Variants in XPO1 observed in about 807,000 individuals in gnomAD.
The protein encoded by XPO1 is exportin 1.
XPO1 carries 5 observed loss-of-function variants against 133.3 expected under a neutral mutation model. The observed-to-expected ratio is 0.04, with a 90% CI of 0.02 to 0.08. XPO1 has a LOEUF of 0.08. Ranked by LOEUF, XPO1 falls within the 10% of genes least tolerant of loss-of-function variation. XPO1 has a pLI of 1.00. For missense variants in XPO1, 506 were observed against 1,267.5 expected, an observed-to-expected ratio of 0.40 and a Z score of 9.12; for synonymous variants, 419 against 408.2, an observed-to-expected ratio of 1.03 and a Z score of -0.32.
intron 19 of XPO1, among the ~76,000 whole-genome samples, chr2:61,486,172 C>T (rs1307180310): frequency 6.6e-6 from 1 of 151,970 alleles, no homozygotes; most frequent in Admixed American, 6.5e-5. Flanking sequence ...CATGGACACA[C>T]TGTCATTCAA....
chr2:61,528,781 A>C (rs1483943335), intron 2 of XPO1, among the ~76,000 whole-genome samples: 1 of 102,008 alleles, frequency 9.8e-6, no homozygotes, highest in Non-Finnish European at 2.0e-5. Context: ...ATATATATAT[A>C]GTTTTTTCAT....
At chr2:61,528,526 G>C (rs976471649) in intron 2 of XPO1, among the ~76,000 whole-genome samples, 2 of 151,118 alleles carry the variant, frequency 1.3e-5, no homozygotes. Flanking sequence ...CCAGCTACTC[G>C]GGAGGCTGAG....
At position 61,478,291 on chromosome 2, in the gene XPO1, A is replaced by G. The variant is rs1009128970; in HGVS notation, c.*529T>C. On this transcript the variant is annotated 3_prime_UTR_variant, in exon 25 of 25. Transcript: ENST00000401558. ...ATGATATGCACATGATCTTGCTGCA[A>G]TCTTGCCAAAGAGACTTTGTAATAC... 2 of 233,776 alleles carry G rather than the reference A, an allele frequency of 8.6e-6. No individual in the cohort carries two copies. Among genetic ancestry groups the G allele is most frequent in the Admixed American group, 1.1e-4 (2 of 17,784 alleles). The allele number at this position is 233,776 out of a possible 1,614,324, so 14.5% of individuals were successfully genotyped here. A position where few individuals can be genotyped will look rare whatever the true frequency, so the allele number is the denominator to read the frequency against.
intron 20 of XPO1, 41 bp downstream of exon 20, chr2:61,485,727 C>A (rs781136152): frequency 8.6e-6 from 13 of 1,514,770 alleles, no homozygotes; most frequent in Non-Finnish European, 1.2e-5. Context: ...TTAAGGCTAT[C>A]CTGCAGAATT....
chr2:61,522,825 A>G (rs1394407153), intron 3 of XPO1, 142 bp from the exon 4 acceptor site: 3 of 647,182 alleles, frequency 4.6e-6, no homozygotes, highest in Non-Finnish European at 8.1e-6. Flanking sequence ...ACACATATTA[A>G]ACAAGTATCT....
rs140244724 is a variant in XPO1 at position 61,503,993 on chromosome 2, G to A, written c.302-1683C>T. Among the ~76,000 whole-genome samples the A allele has an allele frequency of 1.6e-4, 24 of 152,244 alleles. 1 individual carries two copies. The East Asian group carries it at 4.1e-3, about 26-fold the overall frequency. On this transcript the variant is annotated intron_variant, in intron 4 of 24. Transcript: ENST00000401558. ...CCTAGAGGCGGAGGCTGCAGTGAAC[G>A]GAGATCATGCCACTGCACTCCAGCC...
At chr2:61,493,844 C>G (rs368977858) in intron 12 of XPO1, 50 bp downstream of exon 12, 1 of 1,595,100 alleles carries the variant, frequency 6.3e-7, no homozygotes, top group Non-Finnish European at 8.6e-7. Flanking sequence ...ATTCAGACCT[C>G]AAAACCACAG....
At position 61,490,692 on chromosome 2, in the gene XPO1, T is replaced by C. The variant is rs941829793; in HGVS notation, c.1972A>G (p.Met658Val). Residue 658 changes from methionine (M) to valine (V), a missense_variant, in exon 17 of 25, where the codon ATG (methionine) becomes GTG (valine). Physicochemically the swap from Met to Val is conservative, Grantham distance 21. Coordinates refer to ENST00000401558, the MANE Select transcript of XPO1 (RefSeq NM_003400.4). ...TCCCACACTTGATTAGGGAGTAACATGTACTTTTCTATCAAGTGTTCTTGT... is the reference window on the plus strand; with the variant it reads ...TCCCACACTTGATTAGGGAGTAACACGTACTTTTCTATCAAGTGTTCTTGT... ...TVQEHLIEKY[M>V]LLPNQVWDSI... 8 of 1,614,108 alleles carry C rather than the reference T, an allele frequency of 5.0e-6. No individual in the cohort carries two copies. The highest frequency in any genetic ancestry group is 1.3e-5 in the African/African-American group (1 of 74,948).
At chr2:61,488,512 CA>C in intron 18 of XPO1, 75 bp downstream of exon 18, 1 of 1,451,662 alleles carries the variant, frequency 6.9e-7, no homozygotes, top group Non-Finnish European at 9.4e-7. Context: ...TAAAAAACAT[CA>C]AATGTTTGAC....
rs994367152 is a variant in XPO1 at position 61,526,674 on chromosome 2, A to C, written c.127-153T>G. The stretch of plus-strand genomic sequence containing the variant: ...TACTCAAAAATTAGACCTTACAGAA[A>C]TAGAAATAAAATTATATAAATATGA... On this transcript the variant is annotated intron_variant, in intron 2 of 24. Coordinates refer to ENST00000401558, the MANE Select transcript of XPO1 (RefSeq NM_003400.4). Among the ~76,000 whole-genome samples the C allele has an allele frequency of 3.3e-4, 50 of 152,140 alleles. 1 individual carries two copies. The highest frequency in any genetic ancestry group is 1.5e-4 in the Non-Finnish European group (10 of 68,018).
chr2:61,516,141 C>A (rs6704550), intron 4 of XPO1, among the ~76,000 whole-genome samples: 129,690 of 143,866 alleles, frequency 0.9, 58,216 homozygotes, highest in East Asian at 0.99. Flanking sequence ...TAAAAAAAAA[C>A]AAAACAAAAC....
At chr2:61,482,763 G>GC (rs939796260) in intron 22 of XPO1, 194 bp downstream of exon 22, 1 of 755,420 alleles carries the variant, frequency 1.3e-6, no homozygotes, top group African/African-American at 1.8e-5. Flanking sequence ...ATGCCACCAT[G>GC]CCCAGTATTT....
At chr2:61,516,883 T>C (rs988062398) in intron 4 of XPO1, among the ~76,000 whole-genome samples, 3 of 152,162 alleles carry the variant, frequency 2.0e-5, no homozygotes, top group African/African-American at 7.2e-5. Context: ...TTGAATTATC[T>C]AAATGCCATT....
chr2:61,482,028 C>T (rs1213328250), intron 23 of XPO1, among the ~76,000 whole-genome samples: 11 of 22,528 alleles, frequency 4.9e-4, no homozygotes, highest in African/African-American at 9.5e-4. Flanking sequence ...AGCCACCGTG[C>T]GTGGCCTTTT....
chr2:61,485,639 A>G (rs1390088505), intron 20 of XPO1, 129 bp downstream of exon 20: 4 of 857,312 alleles, frequency 4.7e-6, no homozygotes, highest in Non-Finnish European at 6.9e-6. Flanking sequence ...GTATTTCCCT[A>G]ATATACAAGT....
At position 61,488,681 on chromosome 2, in the gene XPO1, G is replaced by A. The variant is rs1431242274; in HGVS notation, c.2113C>T (p.Pro705Ser). 1.9e-6 allele frequency: 3 copies of A among 1,613,950 alleles called. No individual in the cohort carries two copies. ...ATTCTTCCAAGCTGAATTACAAAGG[G>A]GTGTCCAACAGCTTTGCAGGCTCTC... ...NVRACKAVGH[P>S]FVIQLGRIYL... is the part of the protein sequence containing the mutation. The change falls in exon 18 of 25, where the codon CCC becomes TCC. Residue 705 changes from proline to serine, a missense_variant. By Grantham distance (74) the Pro-to-Ser change is moderately conservative. Coordinates refer to ENST00000401558, the MANE Select transcript of XPO1 (RefSeq NM_003400.4).
intron 4 of XPO1, among the ~76,000 whole-genome samples, chr2:61,516,073 C>T (rs1247962193): frequency 6.6e-6 from 1 of 151,198 alleles, no homozygotes; most frequent in Non-Finnish European, 1.5e-5. Flanking sequence ...ATCCAGTGAC[C>T]CAAGATCTCG....
chr2:61,518,939 T>C (rs1195241465), intron 4 of XPO1, among the ~76,000 whole-genome samples: 2 of 152,232 alleles, frequency 1.3e-5, no homozygotes, highest in Admixed American at 1.3e-4. Context: ...TTAAACATCC[T>C]TACTTTCTAA....
Position 61,492,814 on chromosome 2 carries a change from A to G in XPO1, c.1385-66T>C, listed in dbSNP as rs1238240972. 1.9e-6 allele frequency: 3 copies of G among 1,566,882 alleles called. No individual in the cohort carries two copies. The highest frequency in any genetic ancestry group is 2.6e-6 in the Non-Finnish European group (3 of 1,156,146). The stretch of plus-strand genomic sequence containing the variant: ...GAATTTTATTGATGAGTAACAATAC[A>G]TTTAGAAAATATTTAGAAACTACAA... On this transcript the variant is annotated intron_variant, in intron 13 of 24. Transcript: ENST00000401558. This position sits in a 1 kb window ranked among gnomAD's most constrained non-coding sequence, Gnocchi z 5.6.
Sources: allele counts gnomAD v4.1 joint callset (sites outside exome capture counted in the v4.1 genomes callset), GRCh38; gene constraint gnomAD v4.1.1; non-coding constraint Gnocchi (gnomAD v3.1); transcripts MANE v1.5; gene names NCBI Gene and HGNC (gene_info 2026-07-23, HGNC 2026-07-21).